Variants in PDE4D observed in about 807,000 individuals in gnomAD.
The protein encoded by PDE4D is phosphodiesterase 4D.
A neutral mutation model predicts 87.4 loss-of-function variants in PDE4D; 24 were observed. The ratio of observed to expected loss-of-function variants is 0.27; its 90% confidence interval spans 0.20 to 0.39. The LOEUF (loss-of-function observed/expected upper bound fraction) is 0.39. Among genes scored for constraint, PDE4D ranks in the 10% least tolerant of loss-of-function variants. The pLI, the probability that PDE4D is intolerant of heterozygous loss-of-function variation, is 1.00. For missense variants in PDE4D, 714 were observed against 1,041.0 expected (o/e 0.69, Z 4.32); for synonymous variants, 384 against 383.2 (o/e 1.00, Z -0.02).
In PDE4D at chr5:59,131,645, C is replaced by CACACACACACACACAT. The variant is rs60337924; in HGVS notation, c.808+48949_808+48950insATGTGTGTGTGTGTGT. 2.0e-4 allele frequency among the ~76,000 whole-genome samples: 29 copies of CACACACACACACACAT among 146,444 alleles called. 1 individual carries two copies. The highest frequency in any genetic ancestry group is 3.9e-4 in the African/African-American group (15 of 38,228). On this transcript the variant is annotated intron_variant, in intron 5 of 14. Coordinates refer to ENST00000340635, the MANE Select transcript of PDE4D (RefSeq NM_001104631.2). Reference sequence around the variant, plus strand: ...ACACACACACACACACACACACACACATTAATGAGAGATTTCTAAGCCCCC... The same window carrying CACACACACACACACAT: ...ACACACACACACACACACACACACACACACACACACACACATATTAATGAGAGATTTCTAAGCCCCC...
chr5:59,757,368 C>A (rs76774415), intron 1 of PDE4D, among the ~76,000 whole-genome samples: 3,990 of 152,186 alleles, frequency 0.026, 200 homozygotes, highest in African/African-American at 0.092. Context: ...TATTGAATCA[C>A]AGAAAACAAT....
chr5:58,994,426 C>A (rs998715649), intron 6 of PDE4D, among the ~76,000 whole-genome samples: 11 of 152,090 alleles, frequency 7.2e-5, no homozygotes, highest in African/African-American at 2.4e-4. Flanking sequence ...TTTTAATAAG[C>A]CTTTAATATT....
chr5:59,946,512 C>G (rs1326745139), intron 3 of PDE4D, among the ~76,000 whole-genome samples: 2 of 152,158 alleles, frequency 1.3e-5, no homozygotes, highest in African/African-American at 4.8e-5. Flanking sequence ...GAGTGCTGGA[C>G]CAAGAGACTT....
At chr5:60,067,732 A>G (rs1421066058) in intron 2 of PDE4D, among the ~76,000 whole-genome samples, 3 of 151,822 alleles carry the variant, frequency 2.0e-5, no homozygotes, top group African/African-American at 7.3e-5. Context: ...CCTTCTCTCT[A>G]CCTCCACCCA....
chr5:59,115,542 T>G (rs1223894447), intron 5 of PDE4D, among the ~76,000 whole-genome samples: 2 of 152,210 alleles, frequency 1.3e-5, no homozygotes, highest in African/African-American at 4.8e-5. Flanking sequence ...CACTAAAATA[T>G]GAACATACAT....
chr5:59,808,693 C>T (rs752570304), intron 1 of PDE4D, among the ~76,000 whole-genome samples: 2 of 152,168 alleles, frequency 1.3e-5, no homozygotes, highest in Non-Finnish European at 2.9e-5. Context: ...CCCCAGATAC[C>T]GAGAGATTTT....
intron 3 of PDE4D, among the ~76,000 whole-genome samples, chr5:59,189,240 T>TTG (rs1743673563): frequency 7.3e-5 from 6 of 82,750 alleles, no homozygotes; most frequent in Admixed American, 4.4e-4. Context: ...CCGTTTTTTT[T>TTG]TTTGTTTTTT....
chr5:60,398,378 T>C (rs1763036459), intron 1 of PDE4D, among the ~76,000 whole-genome samples: 2 of 152,234 alleles, frequency 1.3e-5, no homozygotes, highest in Admixed American at 1.3e-4. Context: ...ACCAACAGGC[T>C]TCTACCTTGG....
chr5:60,064,619 G>A lies in PDE4D; in HGVS notation c.43-75902C>T, dbSNP rs115546663. Among the ~76,000 whole-genome samples, 658 of 152,186 alleles carry A rather than the reference G, an allele frequency of 4.3e-3. 5 individuals are homozygous for A. Among genetic ancestry groups the A allele is most frequent in the African/African-American group, 0.015 (639 of 41,536 alleles). ...ATTTGACTGACACTATCAGCATAAA[G>A]CCACATGAACAGCTAGAAATATGCC... On this transcript the variant is annotated intron_variant, in intron 2 of 16. Coordinates refer to the PDE4D transcript ENST00000502484.
At chr5:59,555,311 C>A (rs1461777955) in intron 1 of PDE4D, among the ~76,000 whole-genome samples, 1 of 152,010 alleles carries the variant, frequency 6.6e-6, no homozygotes, top group Non-Finnish European at 1.5e-5. Context: ...AATACATGGA[C>A]ACAAAGAGGA....
At chr5:60,513,029 G>T (rs1425472488) in intron 1 of PDE4D, among the ~76,000 whole-genome samples, 1 of 151,914 alleles carries the variant, frequency 6.6e-6, no homozygotes, top group Non-Finnish European at 1.5e-5. Flanking sequence ...TCAAGACAAA[G>T]AAAGTAAAAA....
At chr5:59,512,745 T>TA (rs370768345) in intron 1 of PDE4D, among the ~76,000 whole-genome samples, 10 of 151,908 alleles carry the variant, frequency 6.6e-5, no homozygotes, top group South Asian at 2.1e-4. Flanking sequence ...GGAACATTTG[T>TA]AAAAAAAATT....
intron 1 of PDE4D, among the ~76,000 whole-genome samples, chr5:60,282,523 T>C (rs1752041742): frequency 6.6e-6 from 1 of 152,104 alleles, no homozygotes; most frequent in South Asian, 2.1e-4. Context: ...ATTAAAAATT[T>C]GTTGATTTCA....
rs547356252 is a variant in PDE4D, at chr5:59,517,854, C to T, written c.456-301886G>A. Reference sequence around the variant, plus strand: ...TGGTCATTACAGGCAATCTAAGTTGCTTTTGCTCTTGACAGTATTTTACAC... The same window carrying T: ...TGGTCATTACAGGCAATCTAAGTTGTTTTTGCTCTTGACAGTATTTTACAC... On this transcript the variant is annotated intron_variant, in intron 1 of 14. Coordinates refer to ENST00000340635, the MANE Select transcript of PDE4D (RefSeq NM_001104631.2). Among the ~76,000 whole-genome samples the T allele has an allele frequency of 6.4e-4, 98 of 152,172 alleles. 2 individuals are homozygous for T. Among genetic ancestry groups the T allele is most frequent in the Admixed American group, 7.2e-4 (11 of 15,288 alleles).
At chr5:59,465,609 A>G (rs1345141120) in intron 1 of PDE4D, among the ~76,000 whole-genome samples, 2 of 152,204 alleles carry the variant, frequency 1.3e-5, no homozygotes, top group African/African-American at 4.8e-5. Flanking sequence ...TTATTTACCC[A>G]ACATCCAGCA....
At chr5:59,777,997 A>G (rs999152075) in intron 1 of PDE4D, among the ~76,000 whole-genome samples, 5 of 152,236 alleles carry the variant, frequency 3.3e-5, no homozygotes, top group South Asian at 2.1e-4. Flanking sequence ...TAATAATTAC[A>G]TAATTGAAAG....
intron 1 of PDE4D, among the ~76,000 whole-genome samples, chr5:59,883,127 T>C (rs542923324): frequency 1.3e-5 from 2 of 152,272 alleles, no homozygotes; most frequent in South Asian, 4.2e-4. Flanking sequence ...AAGACCCAAT[T>C]TGGGCTGGTG....
intron 2 of PDE4D, among the ~76,000 whole-genome samples, chr5:60,017,442 C>T (rs1765632277): frequency 6.6e-6 from 1 of 152,100 alleles, no homozygotes; most frequent in African/African-American, 2.4e-5. Context: ...CTGATGCTCT[C>T]CCTCCCCTAG....
At chr5:59,262,821 G>A (rs1384346377) in intron 1 of PDE4D, among the ~76,000 whole-genome samples, 3 of 152,052 alleles carry the variant, frequency 2.0e-5, no homozygotes, top group Admixed American at 6.6e-5. Flanking sequence ...TGATAACCAT[G>A]TGCAACACAT....
Sources: gnomAD v4.1 joint callset for allele counts (sites outside exome capture counted in the v4.1 genomes callset) on GRCh38, gnomAD v4.1.1 for gene constraint, MANE v1.5 for transcripts, NCBI Gene and HGNC (gene_info 2026-07-23, HGNC 2026-07-21) for gene names.